Variants in PCDH15 observed in about 807,000 individuals in gnomAD.
The protein encoded by PCDH15 is protocadherin-15.
Under a neutral mutation model 178.5 loss-of-function variants are expected in PCDH15, and 129 were observed. The ratio of observed to expected loss-of-function variants is 0.72; its 90% confidence interval spans 0.63 to 0.84. The LOEUF is 0.84. Among genes scored for constraint, PCDH15 ranks in the 40% least tolerant of loss-of-function variants. The pLI is 0.00. For synonymous variants in PCDH15, 800 were observed against 732.0 expected, an observed-to-expected ratio of 1.09 and a Z score of -1.50; for missense variants, 2,230 against 2,099.9, an observed-to-expected ratio of 1.06 and a Z score of -1.21.
At chr10:55,553,631 C>T (rs534049972) in intron 2 of PCDH15, among the ~76,000 whole-genome samples, 4 of 151,922 alleles carry the variant, frequency 2.6e-5, no homozygotes, top group African/African-American at 9.6e-5. Flanking sequence ...TCCTCTTGTT[C>T]ATTAGCTGTG....
At chr10:54,881,501 A>G (rs1954261484) in intron 3 of PCDH15, among the ~76,000 whole-genome samples, 1 of 152,084 alleles carries the variant, frequency 6.6e-6, no homozygotes, top group African/African-American at 2.4e-5. Context: ...AATAGCATGA[A>G]GTTCCTCACT....
intron 2 of PCDH15, among the ~76,000 whole-genome samples, chr10:54,974,092 C>T (rs1040847969): frequency 6.6e-6 from 1 of 151,248 alleles, no homozygotes; most frequent in Admixed American, 6.6e-5. Context: ...CAGACACACA[C>T]ACACATACAG....
intron 3 of PCDH15, among the ~76,000 whole-genome samples, chr10:54,433,383 T>TA (rs1457060386): frequency 3.3e-5 from 5 of 152,218 alleles, no homozygotes; most frequent in Non-Finnish European, 7.4e-5. Context: ...TATTCAGCCA[T>TA]AAAAAATGAG....
chr10:55,468,322 A>C (rs2132103896), intron 2 of PCDH15: 1 of 152,258 alleles, frequency 6.6e-6, no homozygotes, highest in East Asian at 1.9e-4. Flanking sequence ...TAGAAAATGG[A>C]ATTTAGAACA....
intron 2 of PCDH15, among the ~76,000 whole-genome samples, chr10:55,035,891 A>G (rs1170533147): frequency 2.6e-5 from 4 of 152,154 alleles, no homozygotes; most frequent in Non-Finnish European, 5.9e-5. Flanking sequence ...GTCATGACCT[A>G]TGATTGAATA....
chr10:54,780,327 C>T (rs372994078), intron 1 of PCDH15, among the ~76,000 whole-genome samples: 39 of 152,192 alleles, frequency 2.6e-4, no homozygotes, highest in East Asian at 2.1e-3. Context: ...CATTTACTAA[C>T]GTAAATACAA....
chr10:54,518,356 G>A (rs1005159012), intron 3 of PCDH15, among the ~76,000 whole-genome samples: 10 of 148,164 alleles, frequency 6.7e-5, no homozygotes, highest in Non-Finnish European at 1.3e-4. Context: ...TCAAATAGAC[G>A]CAATAAAAAT....
At chr10:54,516,678 G>T (rs1365755894) in intron 3 of PCDH15, among the ~76,000 whole-genome samples, 1 of 151,954 alleles carries the variant, frequency 6.6e-6, no homozygotes, top group African/African-American at 2.4e-5. Context: ...TAGCAAGGCA[G>T]GCCAACGTTC....
At chr10:54,830,569 A>C (rs910624805) in intron 3 of PCDH15, among the ~76,000 whole-genome samples, 3 of 149,262 alleles carry the variant, frequency 2.0e-5, no homozygotes, top group East Asian at 2.0e-4. Flanking sequence ...GAACATCACA[A>C]TCTGGGGACT....
intron 2 of PCDH15, among the ~76,000 whole-genome samples, chr10:55,157,065 GT>G (rs1838909181): frequency 6.6e-6 from 1 of 152,050 alleles, no homozygotes; most frequent in Non-Finnish European, 1.5e-5. Flanking sequence ...TTTTAGTTAT[GT>G]TTTTATTACT....
chr10:54,716,850 C>A (rs36141052), intron 1 of PCDH15, among the ~76,000 whole-genome samples: 19,949 of 148,320 alleles, frequency 0.13, 1,607 homozygotes, highest in East Asian at 0.25. Flanking sequence ...CGCTACCTGA[C>A]TTCAAACTAT....
At chr10:54,664,022 G>T in intron 2 of PCDH15, 150 bp downstream of exon 2, 1 of 691,900 alleles carries the variant, frequency 1.4e-6, no homozygotes, top group Non-Finnish European at 2.5e-6. Context: ...ACTTTTCTAA[G>T]CTTATTTTAG....
chr10:54,667,798 T>G (rs2094595411), intron 1 of PCDH15, among the ~76,000 whole-genome samples: 1 of 152,100 alleles, frequency 6.6e-6, no homozygotes, highest in African/African-American at 2.4e-5. Flanking sequence ...ATAAATATGT[T>G]ATACTTGTTT....
At chr10:55,532,233 AAC>A (rs779780453) in intron 2 of PCDH15, among the ~76,000 whole-genome samples, 3 of 152,156 alleles carry the variant, frequency 2.0e-5, no homozygotes, top group East Asian at 3.9e-4. Context: ...CATATCGGGA[AAC>A]AGTCTCTTGA....
chr10:54,485,223 A>C (rs1329487527), intron 3 of PCDH15, among the ~76,000 whole-genome samples: 1 of 151,894 alleles, frequency 6.6e-6, no homozygotes, highest in Non-Finnish European at 1.5e-5. Flanking sequence ...AGCAATAAAA[A>C]AAAATCTCCG....
intron 26 of PCDH15, among the ~76,000 whole-genome samples, chr10:53,884,874 T>C (rs1036864329): frequency 6.6e-6 from 1 of 152,168 alleles, no homozygotes; most frequent in Non-Finnish European, 1.5e-5. Flanking sequence ...CATTGTATTA[T>C]TTTTCATTTC....
intron 25 of PCDH15, 45 bp downstream of exon 25, chr10:53,938,770 A>G (rs2085794611): frequency 6.3e-7 from 1 of 1,594,594 alleles, no homozygotes; most frequent in African/African-American, 1.3e-5. Flanking sequence ...AAATTAGCAG[A>G]GACACCATAC....
chr10:55,513,300 C>A (rs1462556021), intron 2 of PCDH15: 1 of 152,092 alleles, frequency 6.6e-6, no homozygotes, highest in African/African-American at 2.4e-5. Flanking sequence ...ATCAAAACTG[C>A]ATTCTTGTAC....
intron 2 of PCDH15, among the ~76,000 whole-genome samples, chr10:55,061,359 T>C (rs1841425930): frequency 6.6e-6 from 1 of 152,166 alleles, no homozygotes; most frequent in Non-Finnish European, 1.5e-5. Flanking sequence ...AACAAGTAGA[T>C]GCTACTATAT....
Sources: gnomAD v4.1 joint callset for allele counts (sites outside exome capture counted in the v4.1 genomes callset) on GRCh38, gnomAD v4.1.1 for gene constraint, MANE v1.5 for transcripts, NCBI Gene and HGNC (gene_info 2026-07-23, HGNC 2026-07-21) for gene names.